The following ATP7A variants were observed in gnomAD, a reference collection of about 807,000 sequenced individuals.
ATP7A encodes copper-transporting ATPase 1.
Under a neutral mutation model 83.5 loss-of-function variants are expected in ATP7A, and 7 were observed. The observed-to-expected ratio is 0.08, with a 90% CI of 0.05 to 0.16. The LOEUF is 0.16. ATP7A is among the 10% of genes least tolerant of loss of function. The pLI is 1.00. For synonymous variants in ATP7A, 354 were observed against 395.2 expected (o/e 0.90, Z 1.24); for missense variants, 940 against 1,120.8 (o/e 0.84, Z 2.30).
intron 17 of ATP7A, 119 bp downstream of exon 17, chrX:78,033,940 G>A (rs1557237477): frequency 1.5e-6 from 1 of 660,400 alleles, no homozygotes; most frequent in Non-Finnish European, 2.4e-6. Flanking sequence ...ATTTCCTCAA[G>A]TCAATACCCT....
Position 78,020,538 on chromosome X carries a change from G to T in ATP7A, c.2781+140G>T, listed in dbSNP as rs781977028. On this transcript the variant is annotated intron_variant, in intron 13 of 22. Transcript: ENST00000341514. ...TTCGTTTGTTTTTGTTTTGAGATAG[G>T]GTCTCACTCTGTTGCACAGGCTGGA... The T allele has an allele frequency of 9.4e-6, 7 of 748,590 alleles. No individual in the cohort carries two copies. The East Asian group carries it at 1.0e-4, about 11-fold the overall frequency. 61.7% of individuals were successfully genotyped at this position (748,590 alleles called of 1,213,427 possible).
chrX:77,914,965 C>T (rs1424081701), intron 1 of ATP7A, among the ~76,000 whole-genome samples: 8 of 111,361 alleles, frequency 7.2e-5, no homozygotes, highest in Admixed American at 1.9e-4. Context: ...GGTATCTTAA[C>T]TTCACCATTG....
At chrX:77,957,994 A>G (rs2077454530) in intron 1 of ATP7A, among the ~76,000 whole-genome samples, 1 of 111,302 alleles carries the variant, frequency 9.0e-6, no homozygotes, top group African/African-American at 3.3e-5. Flanking sequence ...ATTGGATCAT[A>G]GGGGAAGATC....
chrX:78,042,448 C>A, intron 19 of ATP7A, 137 bp from the exon 20 acceptor site: 1 of 651,374 alleles, frequency 1.5e-6, no homozygotes, highest in Non-Finnish European at 2.5e-6. Flanking sequence ...TTCTCCACAT[C>A]CTTGCTATCA....
chrX:77,926,787 C>G (rs1488573469), intron 1 of ATP7A, among the ~76,000 whole-genome samples: 1 of 110,019 alleles, frequency 9.1e-6, no homozygotes, highest in African/African-American at 3.3e-5. Flanking sequence ...ACTGCAACCT[C>G]CACCTCCCCA....
At chrX:77,981,507 A>G (rs1156767382) in intron 2 of ATP7A, among the ~76,000 whole-genome samples, 11 of 112,201 alleles carry the variant, frequency 9.8e-5, no homozygotes, top group Non-Finnish European at 1.7e-4. Flanking sequence ...TGTTTGAAGC[A>G]AAGTGAAAAT....
intron 12 of ATP7A, among the ~76,000 whole-genome samples, chrX:78,018,230 C>T (rs941367497): frequency 3.7e-5 from 4 of 108,290 alleles, no homozygotes; most frequent in Admixed American, 1.0e-4. Flanking sequence ...TTTGGCTGGG[C>T]GCAGTGGCTC....
At chrX:78,022,583 T>A (rs1271943230) in intron 14 of ATP7A, among the ~76,000 whole-genome samples, 2 of 110,146 alleles carry the variant, frequency 1.8e-5, no homozygotes, top group African/African-American at 6.6e-5. Context: ...AGTGGCACGA[T>A]CTCGGCTCAC....
chrX:78,008,851 C>CA (rs782497742), intron 6 of ATP7A, among the ~76,000 whole-genome samples: 1 of 108,432 alleles, frequency 9.2e-6, no homozygotes, highest in Admixed American at 9.9e-5. Context: ...CCTGTCTCTA[C>CA]AAAAAAGATA....
chrX:77,984,701 A>G (rs782162076), intron 2 of ATP7A, among the ~76,000 whole-genome samples: 1 of 111,360 alleles, frequency 9.0e-6, no homozygotes, highest in East Asian at 2.8e-4. Flanking sequence ...CCAAAGATTT[A>G]GCACCCAGAG....
intron 6 of ATP7A, among the ~76,000 whole-genome samples, chrX:78,006,389 G>T (rs1603384315): frequency 8.9e-6 from 1 of 112,308 alleles, no homozygotes; most frequent in Middle Eastern, 4.6e-3. Flanking sequence ...CTAAAATTAT[G>T]ATACAATCAT....
chrX:78,036,793 G>A (rs1398796051), intron 17 of ATP7A, among the ~76,000 whole-genome samples: 1 of 111,310 alleles, frequency 9.0e-6, no homozygotes, highest in African/African-American at 3.3e-5. Flanking sequence ...AGGCAGGAGA[G>A]AATCTTGCGG....
chrX:78,029,180 G>T (rs960848946), intron 14 of ATP7A, 70 bp from the exon 15 acceptor site: 16 of 1,057,657 alleles, frequency 1.5e-5, no homozygotes, highest in African/African-American at 1.9e-5. Context: ...TTTAAATAGT[G>T]TTAAGTTTTG....
chrX:78,021,786 G>T (rs973227584), intron 14 of ATP7A, among the ~76,000 whole-genome samples: 1 of 111,717 alleles, frequency 9.0e-6, no homozygotes, highest in African/African-American at 3.3e-5. Flanking sequence ...GACAGATGCA[G>T]GTGACAGCCA....
At chrX:77,934,259 TA>T (rs1221494342) in intron 1 of ATP7A, among the ~76,000 whole-genome samples, 2 of 109,518 alleles carry the variant, frequency 1.8e-5, no homozygotes, top group Admixed American at 9.7e-5. Context: ...CCTAAACATT[TA>T]AAAAAAAATT....
At chrX:78,011,407 T>C (rs782553680) in intron 8 of ATP7A, 42 bp from the exon 9 acceptor site, 49 of 1,144,086 alleles carry the variant, frequency 4.3e-5, no homozygotes, top group Non-Finnish European at 1.2e-6. Flanking sequence ...CCATTAGCTA[T>C]TTATGACCAT....
intron 9 of ATP7A, among the ~76,000 whole-genome samples, chrX:78,012,046 C>A (rs1335376796): frequency 9.1e-6 from 1 of 110,257 alleles, no homozygotes; most frequent in Non-Finnish European, 1.9e-5. Flanking sequence ...TGGGCTCAAG[C>A]ATTCCTTCTG....
At chrX:78,030,698 T>G (rs1326231584) in intron 15 of ATP7A, among the ~76,000 whole-genome samples, 1 of 104,827 alleles carries the variant, frequency 9.5e-6, no homozygotes, top group Non-Finnish European at 2.0e-5. Context: ...TTCTTTCTTT[T>G]TTTTTTTTTT....
At chrX:78,039,196 T>G (rs2078032324) in intron 18 of ATP7A, among the ~76,000 whole-genome samples, 1 of 112,171 alleles carries the variant, frequency 8.9e-6, no homozygotes, top group African/African-American at 3.2e-5. Flanking sequence ...ATGTTTTAAA[T>G]GAAGGCTAAT....
Sources: gnomAD v4.1 joint callset for allele counts (sites outside exome capture counted in the v4.1 genomes callset) on GRCh38, gnomAD v4.1.1 for gene constraint, MANE v1.5 for transcripts, NCBI Gene and HGNC (gene_info 2026-07-23, HGNC 2026-07-21) for gene names.